MTUS2: variants seen among roughly 807,000 people sequenced by gnomAD.
The protein encoded by MTUS2 is microtubule associated scaffold protein 2, also known as microtubule-associated tumor suppressor candidate 2.
A neutral mutation model predicts 114.1 loss-of-function variants in MTUS2; 40 were observed. The observed-to-expected ratio is 0.35, with a 90% CI of 0.27 to 0.46. The LOEUF is 0.46. Among genes scored for constraint, MTUS2 ranks in the 20% least tolerant of loss-of-function variants. The pLI is 1.00. For synonymous variants in MTUS2, 688 were observed against 672.0 expected, an observed-to-expected ratio of 1.02 and a Z score of -0.37; for missense variants, 1,679 against 1,705.4, an observed-to-expected ratio of 0.98 and a Z score of 0.27.
At chr13:29,334,400 G>A (rs1233498116) in intron 7 of MTUS2, among the ~76,000 whole-genome samples, 6 of 152,150 alleles carry the variant, frequency 3.9e-5, no homozygotes, top group African/African-American at 1.4e-4. Flanking sequence ...AGGCAGGCCT[G>A]GTGGTGACAA....
At chr13:29,193,484 C>T (rs1894534129) in intron 5 of MTUS2, among the ~76,000 whole-genome samples, 1 of 152,090 alleles carries the variant, frequency 6.6e-6, no homozygotes, top group Non-Finnish European at 1.5e-5. Flanking sequence ...GAGTGAACTC[C>T]CATTCACAAG....
chr13:28,957,518 TTAAA>T (rs1883127656), intron 2 of MTUS2, among the ~76,000 whole-genome samples: 1 of 152,236 alleles, frequency 6.6e-6, no homozygotes, highest in Admixed American at 6.5e-5. Flanking sequence ...TCACTCTTTC[TTAAA>T]TAATACAGAA....
rs570068369 is a variant in MTUS2 at position 29,173,990 on chromosome 13, G to A, written c.2644+73020G>A. ...CTGTTCTATTCTATTCAGGAAATATGGACTCCTACACCCTGTAGAAGGCAT... is the reference window on the plus strand; with the variant it reads ...CTGTTCTATTCTATTCAGGAAATATAGACTCCTACACCCTGTAGAAGGCAT... On this transcript the variant is annotated intron_variant, in intron 5 of 15. Transcript: ENST00000612955. Among the ~76,000 whole-genome samples the A allele has an allele frequency of 9.9e-5, 15 of 152,084 alleles. No homozygotes were observed. In the South Asian group the frequency reaches 2.9e-3, roughly 29 times the overall value.
Position 29,492,649 on chromosome 13 carries a change from T to G in MTUS2, c.3509T>G (p.Leu1170Trp), listed in dbSNP as rs777064174. Reference sequence around the variant, plus strand: ...CAATTTAATGTCTTCTTTCCAGAATTGATGTCCACTCATGAGCTTGAAAAG... The same window carrying G: ...CAATTTAATGTCTTCTTTCCAGAATGGATGTCCACTCATGAGCTTGAAAAG... Reference protein sequence around the residue: ...QDDHDHKVQELMSTHELEKKE... With the variant: ...QDDHDHKVQEWMSTHELEKKE... The change falls in exon 12 of 16, where the codon TTG becomes TGG. Residue 1170 changes from leucine (L) to tryptophan (W), a missense_variant. Physicochemically the swap from Leu to Trp is moderately conservative, Grantham distance 61 (BLOSUM62 -2). Transcript: ENST00000612955. 1.2e-6 allele frequency: 2 copies of G among 1,612,734 alleles called. No homozygotes were observed. Among genetic ancestry groups the G allele is most frequent in the Admixed American group, 1.7e-5 (1 of 59,930 alleles).
chr13:28,932,763 T>C (rs955974705), intron 2 of MTUS2, among the ~76,000 whole-genome samples: 4 of 152,220 alleles, frequency 2.6e-5, no homozygotes, highest in African/African-American at 9.6e-5. Flanking sequence ...AGCATTGTGG[T>C]AATAGAGAAC....
At chr13:28,850,442 C>G (rs1238488252) in intron 2 of MTUS2, among the ~76,000 whole-genome samples, 1 of 152,208 alleles carries the variant, frequency 6.6e-6, no homozygotes, top group East Asian at 1.9e-4. Context: ...GACAGCCCTG[C>G]TGGGCTAGGC....
intron 5 of MTUS2, among the ~76,000 whole-genome samples, chr13:29,234,803 A>G (rs1238194161): frequency 6.6e-6 from 1 of 151,972 alleles, no homozygotes; most frequent in Admixed American, 6.6e-5. Flanking sequence ...ATCCTTCAAC[A>G]TGGCCTTTGG....
At chr13:29,215,035 AT>A (rs1895620758) in intron 5 of MTUS2, among the ~76,000 whole-genome samples, 1 of 151,094 alleles carries the variant, frequency 6.6e-6, no homozygotes, top group East Asian at 1.9e-4. Context: ...ATAGTCCCAT[AT>A]TTCTTGGTGG....
intron 2 of MTUS2, among the ~76,000 whole-genome samples, chr13:28,917,781 C>T (rs1409920161): frequency 6.6e-6 from 1 of 151,632 alleles, no homozygotes; most frequent in East Asian, 1.9e-4. Flanking sequence ...CTTGCTCTTG[C>T]TTTTCTAGTT....
At chr13:29,272,455 C>A (rs1897915622) in intron 5 of MTUS2, among the ~76,000 whole-genome samples, 1 of 152,156 alleles carries the variant, frequency 6.6e-6, no homozygotes, top group Non-Finnish European at 1.5e-5. Context: ...CCTTGAGAAC[C>A]TCATTTTGGT....
chr13:29,389,295 G>C (rs183463540), intron 8 of MTUS2, among the ~76,000 whole-genome samples: 1 of 145,860 alleles, frequency 6.9e-6, no homozygotes, highest in African/African-American at 2.6e-5. Context: ...ACACATATGT[G>C]TGTATATGTG....
chr13:28,874,318 C>T (rs1236275296), intron 2 of MTUS2, among the ~76,000 whole-genome samples: 1 of 152,152 alleles, frequency 6.6e-6, no homozygotes, highest in African/African-American at 2.4e-5. Flanking sequence ...TCATTTTTAG[C>T]CATCTTTCAA....
chr13:28,920,684 C>T (rs1489979047), intron 2 of MTUS2, among the ~76,000 whole-genome samples: 1 of 152,184 alleles, frequency 6.6e-6, no homozygotes, highest in African/African-American at 2.4e-5. Flanking sequence ...AAAGATGCTG[C>T]CTGGGAGCTA....
At chr13:28,865,834 C>T (rs1397395105) in intron 2 of MTUS2, among the ~76,000 whole-genome samples, 1 of 152,166 alleles carries the variant, frequency 6.6e-6, no homozygotes. Flanking sequence ...CTCTTGCAGG[C>T]TCAGCTGTTG....
chr13:29,231,852 G>T (rs1896337087), intron 5 of MTUS2, among the ~76,000 whole-genome samples: 1 of 152,044 alleles, frequency 6.6e-6, no homozygotes, highest in South Asian at 2.1e-4. Flanking sequence ...ATGCTTATTT[G>T]CATGTTAAAC....
chr13:29,376,059 G>GTA (rs762463451), intron 8 of MTUS2, among the ~76,000 whole-genome samples: 74 of 143,010 alleles, frequency 5.2e-4, no homozygotes, highest in Middle Eastern at 3.7e-3. Context: ...GTGTGTGTGT[G>GTA]TATATATATT....
intron 2 of MTUS2, among the ~76,000 whole-genome samples, chr13:28,865,582 A>C (rs1877250669): frequency 6.6e-6 from 1 of 152,220 alleles, no homozygotes; most frequent in African/African-American, 2.4e-5. Context: ...TTTTAGCATC[A>C]AGTATCCATC....
intron 5 of MTUS2, among the ~76,000 whole-genome samples, chr13:29,256,829 C>T (rs1011653688): frequency 6.6e-6 from 1 of 152,178 alleles, no homozygotes; most frequent in Non-Finnish European, 1.5e-5. Flanking sequence ...TCCTCCAAAT[C>T]GGGGCTCATT....
At position 29,026,554 on chromosome 13, in the gene MTUS2, A is replaced by G. The variant is rs773765015; in HGVS notation, c.1856A>G (p.Gln619Arg). 4 of 1,613,968 alleles carry G rather than the reference A, an allele frequency of 2.5e-6. No homozygotes were observed. In the South Asian group the frequency reaches 4.4e-5, roughly 18 times the overall value. Residue 619 changes from glutamine to arginine, a missense_variant, in exon 3 of 16, where the codon CAG becomes CGG. This residue lies in a region of MTUS2 where 843 missense variants were observed against 770.8 expected (regional missense o/e 1.09). Transcript: ENST00000612955. ...PSSQEGMENYQVEKTEERTET... is the reference protein window; with the variant it reads ...PSSQEGMENYRVEKTEERTET... ...TCGCAGGAGGGAATGGAGAACTATC[A>G]GGTTGAAAAAACAGAGGAGAGGACA...
Sources: gnomAD v4.1 joint callset for allele counts (sites outside exome capture counted in the v4.1 genomes callset) on GRCh38, gnomAD v4.1.1 for gene constraint, gnomAD v4.1.1 regional missense constraint, MANE v1.5 for transcripts, NCBI Gene and HGNC (gene_info 2026-07-23, HGNC 2026-07-21) for gene names.